The following NELL1 variants were observed in gnomAD, a reference collection of about 807,000 sequenced individuals.
NELL1 encodes protein kinase C-binding protein NELL1.
NELL1 carries 76 observed loss-of-function variants against 107.4 expected under a neutral mutation model. That is an observed-to-expected ratio of 0.71 (90% CI 0.59 to 0.86). The LOEUF is 0.86. Ranked by LOEUF, NELL1 falls within the 40% of genes least tolerant of loss-of-function variation. The pLI is 0.00. For synonymous variants in NELL1, 353 were observed against 341.2 expected (o/e 1.03, Z -0.38); for missense variants, 1,024 against 1,005.5 (o/e 1.02, Z -0.25).
intron 12 of NELL1, among the ~76,000 whole-genome samples, chr11:21,004,963 A>C (rs1417505342): frequency 6.6e-6 from 1 of 152,154 alleles, no homozygotes; most frequent in Non-Finnish European, 1.5e-5. Flanking sequence ...TAATGAGAAA[A>C]CAGGCTTATA....
chr11:21,436,431 A>G (rs1162717896), intron 15 of NELL1, among the ~76,000 whole-genome samples: 1 of 152,152 alleles, frequency 6.6e-6, no homozygotes, highest in Non-Finnish European at 1.5e-5. Context: ...TTGTTGGCAT[A>G]TAGGTGTTCC....
At chr11:20,994,785 T>G (rs189933841) in intron 12 of NELL1, among the ~76,000 whole-genome samples, 1 of 152,350 alleles carries the variant, frequency 6.6e-6, no homozygotes, top group Admixed American at 6.5e-5. Context: ...GTTATTTTAG[T>G]GTAATATCCT....
intron 13 of NELL1, among the ~76,000 whole-genome samples, chr11:21,150,921 G>A (rs1856100699): frequency 6.6e-6 from 1 of 152,108 alleles, no homozygotes; most frequent in Non-Finnish European, 1.5e-5. Flanking sequence ...GGGCAAAGGG[G>A]AAATAAGCAC....
chr11:20,873,714 A>G (rs187954659), intron 4 of NELL1, among the ~76,000 whole-genome samples: 3 of 151,864 alleles, frequency 2.0e-5, no homozygotes, highest in Non-Finnish European at 4.4e-5. Context: ...CTCTAGTCTG[A>G]TGATCTTTCC....
intron 12 of NELL1, among the ~76,000 whole-genome samples, chr11:21,023,934 C>T (rs1852756695): frequency 6.6e-6 from 1 of 152,072 alleles, no homozygotes; most frequent in African/African-American, 2.4e-5. Context: ...TGCTCTAAGA[C>T]ATTGCAGTGT....
chr11:20,678,000 AC>A lies in NELL1; in HGVS notation c.127del (p.Gly44GlufsTer20), dbSNP rs1472432355. The A allele has an allele frequency of 1.9e-6, 3 of 1,613,890 alleles. No homozygotes were observed. The African/African-American group carries it at 4.0e-5, about 22-fold the overall frequency. On this transcript the variant is annotated frameshift_variant, in exon 2 of 20. Coordinates refer to ENST00000357134, the MANE Select transcript of NELL1 (RefSeq NM_006157.5). LOFTEE classifies it high-confidence loss of function. ...IVTELDLVNTTLGVAQVSGMH... is the reference protein window; with the variant it reads ...IVTELDLVNTXLGVAQVSGMH... ...CACCGAGCTTGACCTTGTGAACACC[AC>A]CCTTGGAGTTGCTCAGGTGTCTGGA...
intron 14 of NELL1, among the ~76,000 whole-genome samples, chr11:21,237,207 T>C (rs917085169): frequency 4.6e-5 from 7 of 152,098 alleles, no homozygotes; most frequent in African/African-American, 1.7e-4. Context: ...GGCAACTACC[T>C]GTACCTTGAG....
chr11:21,377,658 C>G (rs61885512), intron 15 of NELL1, among the ~76,000 whole-genome samples: 8 of 151,836 alleles, frequency 5.3e-5, no homozygotes, highest in Non-Finnish European at 1.0e-4. Context: ...GACTGTGAAT[C>G]CATCTGGTCC....
At chr11:20,817,326 G>T (rs1426783249) in intron 3 of NELL1, among the ~76,000 whole-genome samples, 1 of 152,042 alleles carries the variant, frequency 6.6e-6, no homozygotes, top group African/African-American at 2.4e-5. Flanking sequence ...CTTGATGTTG[G>T]TCTGTTCAGG....
chr11:20,767,116 T>C (rs1345181995), intron 2 of NELL1, among the ~76,000 whole-genome samples: 1 of 147,618 alleles, frequency 6.8e-6, no homozygotes, highest in Non-Finnish European at 1.5e-5. Flanking sequence ...GGTGTGTCTG[T>C]TGTTGGTTCC....
At chr11:21,080,286 C>T (rs1258602438) in intron 12 of NELL1, among the ~76,000 whole-genome samples, 1 of 151,926 alleles carries the variant, frequency 6.6e-6, no homozygotes, top group East Asian at 1.9e-4. Context: ...ATATAGCTAC[C>T]TCTTGCTATC....
chr11:20,921,836 A>G (rs1214495725), intron 7 of NELL1, among the ~76,000 whole-genome samples: 1 of 146,464 alleles, frequency 6.8e-6, no homozygotes, highest in African/African-American at 2.5e-5. Flanking sequence ...CTCTTAATGC[A>G]CGCTTTTGGC....
At chr11:20,701,336 G>T (rs1854781023) in intron 2 of NELL1, among the ~76,000 whole-genome samples, 1 of 152,028 alleles carries the variant, frequency 6.6e-6, no homozygotes, top group African/African-American at 2.4e-5. Context: ...CATATACTTT[G>T]CCCACTTTTT....
At chr11:21,273,817 A>G (rs1469379917) in intron 14 of NELL1, among the ~76,000 whole-genome samples, 2 of 152,206 alleles carry the variant, frequency 1.3e-5, no homozygotes, top group African/African-American at 2.4e-5. Context: ...TCATAAGTGA[A>G]GGAGAAATAA....
chr11:21,073,322 G>T (rs1487091292), intron 12 of NELL1, among the ~76,000 whole-genome samples: 1 of 152,122 alleles, frequency 6.6e-6, no homozygotes, highest in African/African-American at 2.4e-5. Context: ...TTCCAGGATG[G>T]CTTGGGTCAG....
At chr11:21,424,593 C>T (rs571491932) in intron 15 of NELL1, among the ~76,000 whole-genome samples, 2 of 152,166 alleles carry the variant, frequency 1.3e-5, no homozygotes, top group South Asian at 4.2e-4. Context: ...TGAACTCCAG[C>T]CTGGGCAACA....
chr11:20,771,514 C>T (rs914089047), intron 2 of NELL1, among the ~76,000 whole-genome samples: 1 of 152,158 alleles, frequency 6.6e-6, no homozygotes, highest in Non-Finnish European at 1.5e-5. Flanking sequence ...TATCGCTTTG[C>T]AGGCTATGGA....
intron 11 of NELL1, among the ~76,000 whole-genome samples, chr11:20,956,214 G>A (rs892581616): frequency 1.4e-4 from 21 of 150,560 alleles, no homozygotes; most frequent in East Asian, 4.0e-4. Context: ...GTGAGACTTC[G>A]TCTCAAAACA....
chr11:20,901,458 A>T (rs76882566), intron 5 of NELL1, among the ~76,000 whole-genome samples: 3,080 of 152,246 alleles, frequency 0.02, 134 homozygotes, highest in African/African-American at 0.071. Context: ...ACTGGGGAGA[A>T]GTACGCTATG....
Sources: allele counts gnomAD v4.1 joint callset (sites outside exome capture counted in the v4.1 genomes callset), GRCh38; gene constraint gnomAD v4.1.1; transcripts MANE v1.5; gene names NCBI Gene and HGNC (gene_info 2026-07-23, HGNC 2026-07-21).